The following TRDN variants were observed in gnomAD, a reference collection of about 807,000 sequenced individuals.
TRDN encodes triadin in skeletal muscle.
TRDN carries 161 observed loss-of-function variants against 149.7 expected under a neutral mutation model. The observed-to-expected ratio is 1.08, with a 90% CI of 0.95 to 1.23. The LOEUF (loss-of-function observed/expected upper bound fraction) is 1.23. TRDN is among the 50% of genes most tolerant of loss of function. The pLI, the probability that TRDN is intolerant of heterozygous loss-of-function variation, is 0.00. For synonymous variants in TRDN, 294 were observed against 250.5 expected (o/e 1.17, Z -1.64); for missense variants, 896 against 823.5 (o/e 1.09, Z -1.08).
chr6:123,505,540 A>G (rs1020849055), intron 7 of TRDN, among the ~76,000 whole-genome samples: 1 of 152,174 alleles, frequency 6.6e-6, no homozygotes, highest in Non-Finnish European at 1.5e-5. Context: ...TCTCATGGCC[A>G]AATTCATTTG....
intron 20 of TRDN, among the ~76,000 whole-genome samples, chr6:123,356,251 T>C (rs578110506): frequency 6.6e-6 from 1 of 151,576 alleles, no homozygotes; most frequent in Non-Finnish European, 1.5e-5. Context: ...TGTTTGCTAA[T>C]GGTTTTTGCA....
chr6:123,454,694 C>T (rs1037384191), intron 10 of TRDN, among the ~76,000 whole-genome samples: 6 of 152,152 alleles, frequency 3.9e-5, no homozygotes, highest in East Asian at 1.9e-4. Context: ...GCCTGAGCTC[C>T]GCCTCCTGTC....
At chr6:123,261,783 A>C (rs978623235) in intron 33 of TRDN, among the ~76,000 whole-genome samples, 3 of 151,896 alleles carry the variant, frequency 2.0e-5, no homozygotes, top group Non-Finnish European at 4.4e-5. Context: ...TCATATTAGC[A>C]TTCTAGTTTT....
At chr6:123,583,307 T>G (rs1481895074) in intron 1 of TRDN, among the ~76,000 whole-genome samples, 1 of 151,932 alleles carries the variant, frequency 6.6e-6, no homozygotes, top group African/African-American at 2.4e-5. Flanking sequence ...GACAAGTTTT[T>G]GGGGGGCACA....
At chr6:123,223,987 G>C in intron 39 of TRDN, 106 bp downstream of exon 39, 1 of 1,004,634 alleles carries the variant, frequency 1.0e-6, no homozygotes, top group Non-Finnish European at 1.5e-6. Flanking sequence ...GCCTAGAAAA[G>C]CTTAAGACTA....
At chr6:123,228,333 T>A (rs1048953872) in intron 38 of TRDN, among the ~76,000 whole-genome samples, 1 of 151,900 alleles carries the variant, frequency 6.6e-6, no homozygotes, top group African/African-American at 2.4e-5. Context: ...CTGCATTAGT[T>A]TGTTTTCATA....
intron 24 of TRDN, among the ~76,000 whole-genome samples, chr6:123,315,340 G>A (rs936396723): frequency 6.6e-6 from 1 of 151,588 alleles, no homozygotes; most frequent in African/African-American, 2.4e-5. Context: ...GTTTAAAATT[G>A]TTCAACTTTT....
chr6:123,386,102 T>C (rs1407918751), intron 14 of TRDN, among the ~76,000 whole-genome samples: 1 of 152,166 alleles, frequency 6.6e-6, no homozygotes, highest in African/African-American at 2.4e-5. Context: ...TCATCCTCCA[T>C]AAGGGATAAA....
chr6:123,547,069 T>C (rs1781148785), intron 4 of TRDN, among the ~76,000 whole-genome samples: 1 of 152,116 alleles, frequency 6.6e-6, no homozygotes, highest in South Asian at 2.1e-4. Flanking sequence ...AATTCTCCCC[T>C]CATTCCTCAA....
chr6:123,305,695 T>TA, intron 24 of TRDN, among the ~76,000 whole-genome samples: 1 of 152,278 alleles, frequency 6.6e-6, no homozygotes, highest in South Asian at 2.1e-4. Flanking sequence ...ATGAGACTCT[T>TA]ACACCCCTCA....
chr6:123,399,294 T>G (rs1171999781), intron 12 of TRDN, among the ~76,000 whole-genome samples: 1 of 152,174 alleles, frequency 6.6e-6, no homozygotes, highest in Non-Finnish European at 1.5e-5. Context: ...CATTTCCCCC[T>G]CATGGCATTA....
At chr6:123,620,416 T>C (rs548381277) in intron 1 of TRDN, among the ~76,000 whole-genome samples, 44 of 152,248 alleles carry the variant, frequency 2.9e-4, no homozygotes, top group African/African-American at 9.9e-4. Flanking sequence ...GAATAAAACT[T>C]ATTCGGAATT....
intron 10 of TRDN, chr6:123,441,061 C>A (rs543076105): frequency 6.6e-6 from 1 of 152,216 alleles, no homozygotes; most frequent in South Asian, 2.1e-4. Flanking sequence ...ATGAGACTTA[C>A]TTTATTCATG....
intron 1 of TRDN, among the ~76,000 whole-genome samples, chr6:123,607,121 A>G (rs1784562551): frequency 6.6e-6 from 1 of 152,224 alleles, no homozygotes; most frequent in South Asian, 2.1e-4. Flanking sequence ...ACTGAATTCA[A>G]TTACAGTACT....
rs544742757 is a variant in TRDN, at chr6:123,499,541, T to C, written c.794-2289A>G. Among the ~76,000 whole-genome samples the C allele has an allele frequency of 4.0e-5, 6 of 149,738 alleles. No individual in the cohort carries two copies. In the South Asian group the frequency reaches 1.1e-3, roughly 27 times the overall value. The stretch of plus-strand genomic sequence containing the variant: ...CAGCATAGTGAAACCCCATCTCTAC[T>C]AAAACTACAAAAATTAGCTGGGCAT... On this transcript the variant is annotated intron_variant, in intron 8 of 40. Transcript: ENST00000334268.
At chr6:123,280,652 C>CCT (rs549538597) in intron 24 of TRDN, among the ~76,000 whole-genome samples, 10 of 135,520 alleles carry the variant, frequency 7.4e-5, no homozygotes, top group Admixed American at 7.6e-5. Flanking sequence ...TCTTTTCTTT[C>CCT]TTTTTTTTTT....
intron 24 of TRDN, among the ~76,000 whole-genome samples, chr6:123,281,922 G>A (rs542471189): frequency 6.6e-6 from 1 of 151,992 alleles, no homozygotes; most frequent in African/African-American, 2.4e-5. Flanking sequence ...AATACATGTG[G>A]AAGTCCAGAC....
intron 12 of TRDN, among the ~76,000 whole-genome samples, chr6:123,425,293 G>A (rs924696518): frequency 2.0e-5 from 3 of 148,890 alleles, no homozygotes; most frequent in African/African-American, 4.9e-5. Context: ...GTAGATGAGG[G>A]GTGTTGTTGT....
At chr6:123,592,154 A>G (rs572473880) in intron 1 of TRDN, among the ~76,000 whole-genome samples, 1 of 152,340 alleles carries the variant, frequency 6.6e-6, no homozygotes, top group Admixed American at 6.5e-5. Flanking sequence ...AATGCCACTC[A>G]TTGGCAACTA....
Sources: gnomAD v4.1 joint callset for allele counts (sites outside exome capture counted in the v4.1 genomes callset) on GRCh38, gnomAD v4.1.1 for gene constraint, MANE v1.5 for transcripts, NCBI Gene and HGNC (gene_info 2026-07-23, HGNC 2026-07-21) for gene names.